DPEP1: variants seen among roughly 807,000 people sequenced by gnomAD.
DPEP1 encodes the protein dipeptidase 1.
DPEP1 carries 50 observed loss-of-function variants against 42.3 expected under a neutral mutation model. The ratio of observed to expected loss-of-function variants is 1.18; its 90% CI spans 0.94 to 1.50. The LOEUF is 1.50. Ranked by LOEUF, DPEP1 falls within the 40% of genes most tolerant of loss-of-function variation. The probability of loss-of-function intolerance (pLI) is 0.00; values close to 1 mark genes in which losing one functional copy is unlikely to be tolerated. For missense variants in DPEP1, 663 were observed against 553.0 expected, an observed-to-expected ratio of 1.20 and a Z score of -1.99; for synonymous variants, 297 against 234.0, an observed-to-expected ratio of 1.27 and a Z score of -2.46.
chr16:89,621,878 G>A (rs954542056), intron 1 of DPEP1, among the ~76,000 whole-genome samples: 1 of 152,178 alleles, frequency 6.6e-6, no homozygotes, highest in African/African-American at 2.4e-5. Context: ...TGTGGGGGGC[G>A]TGGGTAGGTC....
At chr16:89,637,011 T>C in intron 6 of DPEP1, 76 bp downstream of exon 6, 1 of 1,579,744 alleles carries the variant, frequency 6.3e-7, no homozygotes, top group Non-Finnish European at 8.6e-7. Context: ...ACAATGCATC[T>C]CCTCACGTGG....
rs528313154 is a variant in DPEP1, at chr16:89,635,962, C to T, written c.159C>T (p.Asp53=). The T allele has an allele frequency of 3.0e-5, 48 of 1,612,030 alleles. No individual in the cohort carries two copies. The highest frequency in any genetic ancestry group is 1.1e-4 in the South Asian group (10 of 91,014). ...LLDMFNNRLQ[D]ERANLTTLAG... The stretch of plus-strand genomic sequence containing the variant: ...ATATGTTCAACAACCGGCTGCAGGA[C>T]GAGAGGGCCAACCTGACCACCTTGG... The change falls in exon 3 of 11, where the codon GAC becomes GAT. Residue 53 remains aspartate (D), a synonymous_variant. Transcript: ENST00000690203.
chr16:89,614,803 TAAAAG>T (rs1185344116), intron 1 of DPEP1, among the ~76,000 whole-genome samples: 1 of 151,870 alleles, frequency 6.6e-6, no homozygotes, highest in African/African-American at 2.4e-5. Context: ...TCCAAAAAAA[TAAAAG>T]AAAAATCTTC....
intron 2 of DPEP1, among the ~76,000 whole-genome samples, chr16:89,631,080 C>T (rs2059581784): frequency 6.6e-6 from 1 of 152,106 alleles, no homozygotes; most frequent in Non-Finnish European, 1.5e-5. Context: ...TGTGCCTCAG[C>T]TTCTCCCAAA....
In DPEP1 at chr16:89,630,431, G is replaced by C. The variant is rs2059569255; in HGVS notation, c.21G>C (p.Leu7=). 6.2e-7 allele frequency: 1 copy of C among 1,611,346 alleles called. No homozygotes were observed. The highest frequency in any genetic ancestry group is 2.2e-5 in the East Asian group (1 of 44,734). The change falls in exon 2 of 11, where the codon CTG becomes CTC. Residue 7 remains leucine, a synonymous_variant. Coordinates refer to ENST00000690203, the MANE Select transcript of DPEP1 (RefSeq NM_001389466.1). ...CCACCATGTGGAGCGGATGGTGGCTGTGGCCCCTTGTGGCCGTCTGCACTG... is the reference window on the plus strand; with the variant it reads ...CCACCATGTGGAGCGGATGGTGGCTCTGGCCCCTTGTGGCCGTCTGCACTG... MWSGWW[L]WPLVAVCTAD... is the part of the protein sequence containing the mutation.
chr16:89,635,787 C>T, intron 2 of DPEP1, 121 bp from the exon 3 acceptor site: 1 of 1,358,366 alleles, frequency 7.4e-7, no homozygotes, highest in African/African-American at 1.5e-5. Flanking sequence ...GCCTAGACTT[C>T]AGTCCTGCGT....
intron 1 of DPEP1, among the ~76,000 whole-genome samples, chr16:89,618,459 C>T (rs1474019662): frequency 6.6e-6 from 1 of 152,136 alleles, no homozygotes; most frequent in African/African-American, 2.4e-5. Flanking sequence ...CTCAAGCGAT[C>T]CTCCCGCCTT....
Position 89,624,672 on chromosome 16 carries a change from T to C in DPEP1, c.-106-5633T>C, listed in dbSNP as rs563634065. On this transcript the variant is annotated intron_variant, in intron 1 of 10. Transcript: ENST00000690203. ...GCCTCAGCCTCCGGAGTAGCTGGGA[T>C]GACAGGCGCCCGCAACCACGCCCGG... is the stretch of plus-strand genomic sequence containing the variant. Among the ~76,000 whole-genome samples the C allele has an allele frequency of 9.2e-5, 14 of 152,156 alleles. No homozygotes were observed. In the South Asian group the frequency reaches 1.0e-3, roughly 11 times the overall value.
chr16:89,618,277 T>C (rs756469557), intron 1 of DPEP1, among the ~76,000 whole-genome samples: 50 of 152,278 alleles, frequency 3.3e-4, no homozygotes, highest in South Asian at 2.7e-3. Flanking sequence ...AGTGCAGTGG[T>C]AGGATCACGG....
intron 1 of DPEP1, among the ~76,000 whole-genome samples, chr16:89,620,050 C>G (rs1237362821): frequency 6.7e-6 from 1 of 150,080 alleles, no homozygotes; most frequent in African/African-American, 2.5e-5. Flanking sequence ...CCTCAGAATT[C>G]CAAAGCCAGC....
In DPEP1 at chr16:89,635,963, G is replaced by C. The variant is rs543287105; in HGVS notation, c.160G>C (p.Glu54Gln). ...TATGTTCAACAACCGGCTGCAGGAC[G>C]AGAGGGCCAACCTGACCACCTTGGC... The part of the protein sequence containing the change: ...LDMFNNRLQD[E>Q]RANLTTLAGT... Residue 54 changes from glutamate to glutamine, a missense_variant, in exon 3 of 11, where the codon GAG (glutamate) becomes CAG (glutamine). Physicochemically the swap from Glu to Gln is conservative, Grantham distance 29. Coordinates refer to ENST00000690203, the MANE Select transcript of DPEP1 (RefSeq NM_001389466.1). 6.2e-7 allele frequency: 1 copy of C among 1,612,052 alleles called. No homozygotes were observed. The highest frequency in any genetic ancestry group is 1.3e-5 in the African/African-American group (1 of 74,916).
chr16:89,614,943 G>A (rs553802333), intron 1 of DPEP1, among the ~76,000 whole-genome samples: 5 of 152,252 alleles, frequency 3.3e-5, no homozygotes, highest in Middle Eastern at 3.4e-3. Flanking sequence ...AACCTACTTC[G>A]GCCAATGGCT....
intron 5 of DPEP1, 43 bp from the exon 6 acceptor site, chr16:89,636,823 G>C (rs1396501483): frequency 1.2e-6 from 2 of 1,610,160 alleles, no homozygotes; most frequent in African/African-American, 2.7e-5. Flanking sequence ...GGGAGGCCGA[G>C]ACCACCGCTC....
At chr16:89,630,185 T>G (rs182907685) in intron 1 of DPEP1, 120 bp from the exon 2 acceptor site, 19 of 398,652 alleles carry the variant, frequency 4.8e-5, no homozygotes, top group Admixed American at 9.0e-5. Flanking sequence ...TGTCCGGCCT[T>G]CCATCCTACC....
chr16:89,628,212 A>G (rs258342), intron 1 of DPEP1, among the ~76,000 whole-genome samples: 117,831 of 149,810 alleles, frequency 0.79, 46,370 homozygotes, highest in African/African-American at 0.87. Flanking sequence ...GTGAGCCACC[A>G]CACCCGGCCA....
rs377283424 is a variant in DPEP1 at position 89,634,938 on chromosome 16, CT to C, written c.105-969del. On this transcript the variant is annotated intron_variant, in intron 2 of 10. Transcript: ENST00000690203. ...CCCCTTCCTTCCCTTTCCCTTCCTT[CT>C]CCTTTCCCTTCCTTCTCCTTTCCCT... 1.7e-3 allele frequency among the ~76,000 whole-genome samples: 64 copies of C among 37,720 alleles called. 1 individual carries two copies. Among genetic ancestry groups the C allele is most frequent in the African/African-American group, 4.4e-3 (53 of 12,172 alleles). The allele number at this position is 37,720 out of a possible 152,430, so 24.7% of individuals were successfully genotyped here. A position where few individuals can be genotyped will look rare whatever the true frequency, so the allele number is the denominator to read the frequency against.
rs76712522 is a variant in DPEP1 at position 89,623,681 on chromosome 16, G to A, written c.-106-6624G>A. 3.4e-3 allele frequency among the ~76,000 whole-genome samples: 510 copies of A among 152,134 alleles called. 1 individual carries two copies. The highest frequency in any genetic ancestry group is 0.011 in the Admixed American group (167 of 15,270). On this transcript the variant is annotated intron_variant, in intron 1 of 10. Transcript: ENST00000690203. The stretch of plus-strand genomic sequence containing the variant: ...ACCCCCAAGAAAACACGAAAGAACC[G>A]TGCTGGGAGACAAAACAGAGGAAAT...
At chr16:89,638,480 T>C, downstream of DPEP1, 1 of 1,294,234 alleles carries the variant, frequency 7.7e-7, no homozygotes, top group Non-Finnish European at 9.8e-7. Flanking sequence ...GTGGGGTGTT[T>C]TGTGAAAATG....
intron 2 of DPEP1, among the ~76,000 whole-genome samples, chr16:89,633,216 G>A (rs1315618800): frequency 6.6e-6 from 1 of 152,198 alleles, no homozygotes; most frequent in Non-Finnish European, 1.5e-5. Flanking sequence ...CAGCAAGTGC[G>A]TCCTGACCAC....
Sources: allele counts gnomAD v4.1 joint callset (sites outside exome capture counted in the v4.1 genomes callset), GRCh38; gene constraint gnomAD v4.1.1; transcripts MANE v1.5; gene names NCBI Gene and HGNC (gene_info 2026-07-23, HGNC 2026-07-21).